Variants in PDE10A observed in about 807,000 individuals in gnomAD.
PDE10A encodes cAMP and cAMP-inhibited cGMP 3',5'-cyclic phosphodiesterase 10A.
Under a neutral mutation model 97.7 loss-of-function variants are expected in PDE10A, and 39 were observed. The observed-to-expected ratio is 0.40, with a 90% CI of 0.31 to 0.52. The LOEUF (loss-of-function observed/expected upper bound fraction) is 0.52. Among genes scored for constraint, PDE10A ranks in the 20% least tolerant of loss-of-function variants. PDE10A has a pLI of 0.56. For synonymous variants in PDE10A, 371 were observed against 376.8 expected (o/e 0.98, Z 0.18); for missense variants, 731 against 1,047.8 (o/e 0.70, Z 4.17).
chr6:165,972,596 G>A (rs976707104), intron 1 of PDE10A, among the ~76,000 whole-genome samples: 1 of 152,210 alleles, frequency 6.6e-6, no homozygotes, highest in Non-Finnish European at 1.5e-5. Flanking sequence ...CTGTCAGCCA[G>A]CAGGGACAGT....
chr6:165,619,797 T>A, intron 1 of PDE10A, among the ~76,000 whole-genome samples: 1 of 150,712 alleles, frequency 6.6e-6, no homozygotes. Flanking sequence ...GTGTAGTGAT[T>A]GGTGTGTCAT....
rs111797280 is a variant in PDE10A at position 165,525,991 on chromosome 6, A to T, written c.994+17449T>A. On this transcript the variant is annotated intron_variant, in intron 2 of 21. Coordinates refer to ENST00000539869, the MANE Select transcript of PDE10A (RefSeq NM_001385079.1). ...AATTATGGCCCCTCAATTAATTTCCAGACTTTAGCCAGTTTACAGACCCAG... is the reference window on the plus strand; with the variant it reads ...AATTATGGCCCCTCAATTAATTTCCTGACTTTAGCCAGTTTACAGACCCAG... Among the ~76,000 whole-genome samples, 32 of 152,328 alleles carry T rather than the reference A, an allele frequency of 2.1e-4. 1 individual carries two copies. Among genetic ancestry groups the T allele is most frequent in the African/African-American group, 7.5e-4 (31 of 41,582 alleles).
At chr6:165,879,341 G>C (rs968054034) in intron 1 of PDE10A, among the ~76,000 whole-genome samples, 9 of 152,200 alleles carry the variant, frequency 5.9e-5, no homozygotes, top group African/African-American at 2.2e-4. Context: ...CTTTGCTGTA[G>C]TTTGAGCAAT....
rs76067792 is a variant in PDE10A, at chr6:165,360,931, G to A, written c.2784-17429C>T. On this transcript the variant is annotated intron_variant, in intron 18 of 21. Coordinates refer to ENST00000539869, the MANE Select transcript of PDE10A (RefSeq NM_001385079.1). ...ATCAACATCAAAGGCTTAATACTGG[G>A]GGGTTCATTACTTAAGGGAAAAAGA... Among the ~76,000 whole-genome samples, 28 of 152,178 alleles carry A rather than the reference G, an allele frequency of 1.8e-4. 1 individual carries two copies. The East Asian group carries it at 5.4e-3, about 29-fold the overall frequency.
At chr6:165,498,458 A>AAAAAAAAAAAAAAAAAAAAAAAAC (rs1780675345) in intron 2 of PDE10A, among the ~76,000 whole-genome samples, 1 of 141,472 alleles carries the variant, frequency 7.1e-6, no homozygotes, top group Non-Finnish European at 1.5e-5. Flanking sequence ...AAAAAAAAAA[A>AAAAAAAAAAAAAAAAAAAAAAAAC]AAAAAAAATC....
intron 1 of PDE10A, among the ~76,000 whole-genome samples, chr6:165,610,488 G>A (rs184697993): frequency 0.011 from 1,579 of 144,682 alleles, 28 homozygotes; most frequent in African/African-American, 0.039. Context: ...CTGAGATCGC[G>A]CCACTGCACT....
intron 13 of PDE10A, among the ~76,000 whole-genome samples, chr6:165,397,428 G>A (rs1786252717): frequency 6.6e-6 from 1 of 152,060 alleles, no homozygotes; most frequent in East Asian, 1.9e-4. Flanking sequence ...TATAAATGAA[G>A]GCTGGGCAAG....
chr6:165,790,028 G>A (rs1778605921), intron 1 of PDE10A, among the ~76,000 whole-genome samples: 1 of 152,210 alleles, frequency 6.6e-6, no homozygotes, highest in Non-Finnish European at 1.5e-5. Flanking sequence ...TACTGGCAAA[G>A]AGGAAGGCAC....
chr6:165,830,370 A>G (rs1477360611), intron 1 of PDE10A, among the ~76,000 whole-genome samples: 1 of 152,212 alleles, frequency 6.6e-6, no homozygotes, highest in Non-Finnish European at 1.5e-5. Context: ...AATCCTCCTC[A>G]GTCAATGATG....
intron 1 of PDE10A, among the ~76,000 whole-genome samples, chr6:165,615,943 A>T (rs1348121981): frequency 1.3e-5 from 2 of 152,300 alleles, no homozygotes; most frequent in East Asian, 1.9e-4. Context: ...AATAAAGCTA[A>T]ATCTATTTTT....
chr6:165,882,937 A>G (rs1432488416), intron 1 of PDE10A, among the ~76,000 whole-genome samples: 1 of 152,176 alleles, frequency 6.6e-6, no homozygotes, highest in Non-Finnish European at 1.5e-5. Context: ...ACAATTAGAA[A>G]TTAAAAGAAG....
intron 10 of PDE10A, among the ~76,000 whole-genome samples, chr6:165,424,220 C>T (rs1414729022): frequency 6.6e-6 from 1 of 152,180 alleles, no homozygotes; most frequent in African/African-American, 2.4e-5. Context: ...CCATCACAAG[C>T]TTTCAGGGCA....
intron 1 of PDE10A, among the ~76,000 whole-genome samples, chr6:165,796,329 G>T (rs1209868241): frequency 1.3e-5 from 2 of 151,912 alleles, no homozygotes; most frequent in African/African-American, 2.4e-5. Context: ...CTCATGATCC[G>T]CCCGCCTCAG....
intron 18 of PDE10A, among the ~76,000 whole-genome samples, chr6:165,346,291 G>A (rs1182648230): frequency 2.0e-5 from 3 of 152,162 alleles, no homozygotes; most frequent in African/African-American, 7.2e-5. Context: ...CTTGAAGTAT[G>A]GTGACAGTAG....
At chr6:165,502,225 A>T (rs1293114402) in intron 2 of PDE10A, among the ~76,000 whole-genome samples, 1 of 152,350 alleles carries the variant, frequency 6.6e-6, no homozygotes, top group South Asian at 2.1e-4. Flanking sequence ...CCTACAGTAG[A>T]CATAAAAGAC....
At chr6:165,540,200 C>G (rs1310335061) in intron 2 of PDE10A, among the ~76,000 whole-genome samples, 107 of 152,302 alleles carry the variant, frequency 7.0e-4, no homozygotes, top group Non-Finnish European at 1.3e-4. Context: ...TATCGAGATT[C>G]AGATGCCTGA....
intron 1 of PDE10A, among the ~76,000 whole-genome samples, chr6:165,624,412 A>G (rs1463035746): frequency 6.6e-6 from 1 of 152,252 alleles, no homozygotes; most frequent in Non-Finnish European, 1.5e-5. Context: ...GCACTGTTAG[A>G]CGTTTAAGAC....
At chr6:165,874,946 C>T (rs1302005180) in intron 1 of PDE10A, among the ~76,000 whole-genome samples, 2 of 151,990 alleles carry the variant, frequency 1.3e-5, no homozygotes, top group Non-Finnish European at 2.9e-5. Context: ...CCCAGTTATT[C>T]GTTCTAAGTT....
At chr6:165,856,298 T>G (rs1284594990) in intron 1 of PDE10A, among the ~76,000 whole-genome samples, 1 of 152,188 alleles carries the variant, frequency 6.6e-6, no homozygotes, top group Admixed American at 6.5e-5. Context: ...AGATAATGCC[T>G]TCATCACAGG....
Sources: allele counts gnomAD v4.1 joint callset (sites outside exome capture counted in the v4.1 genomes callset), GRCh38; gene constraint gnomAD v4.1.1; transcripts MANE v1.5; gene names NCBI Gene and HGNC (gene_info 2026-07-23, HGNC 2026-07-21).